The following NXN variants were observed in gnomAD, a reference collection of about 807,000 sequenced individuals.
The protein encoded by NXN is nucleoredoxin 1.
Under a neutral mutation model 48.6 loss-of-function variants are expected in NXN, and 16 were observed. The observed-to-expected ratio is 0.33, with a 90% CI of 0.22 to 0.50. The LOEUF is 0.50. Among genes scored for constraint, NXN ranks in the 20% least tolerant of loss-of-function variants. The pLI is 0.98. For synonymous variants in NXN, 281 were observed against 269.6 expected, an observed-to-expected ratio of 1.04 and a Z score of -0.41; for missense variants, 492 against 605.5, an observed-to-expected ratio of 0.81 and a Z score of 1.97.
chr17:847,674 G>A (rs895549866), intron 1 of NXN, among the ~76,000 whole-genome samples: 4 of 152,080 alleles, frequency 2.6e-5, no homozygotes, highest in Admixed American at 2.0e-4. Context: ...AACGGACTGT[G>A]GCTTGCATTC....
chr17:828,884 T>C (rs1913289127), intron 1 of NXN, among the ~76,000 whole-genome samples: 1 of 145,372 alleles, frequency 6.9e-6, no homozygotes, highest in Non-Finnish European at 1.5e-5. Context: ...TTAAAATGAT[T>C]GAATTTTTCT....
At chr17:874,078 G>T (rs751385300) in intron 1 of NXN, among the ~76,000 whole-genome samples, 1 of 152,170 alleles carries the variant, frequency 6.6e-6, no homozygotes, top group African/African-American at 2.4e-5. Context: ...TGAATCATGG[G>T]AGCAGTAACC....
At position 952,705 on chromosome 17, in the gene NXN, C is replaced by G. The variant is rs7213959; in HGVS notation, c.360+26614G>C. ...ACACTGTGGGGGGGCTGGAGTCAGACAGACCAAGGTTGGAACCCGGCAGGT... is the reference window on the plus strand; with the variant it reads ...ACACTGTGGGGGGGCTGGAGTCAGAGAGACCAAGGTTGGAACCCGGCAGGT... On this transcript the variant is annotated intron_variant, in intron 1 of 7. Transcript: ENST00000336868. 3.0e-3 allele frequency among the ~76,000 whole-genome samples: 124 copies of G among 40,780 alleles called. 2 individuals carry two copies. The highest frequency in any genetic ancestry group is 5.3e-3 in the African/African-American group (52 of 9,844). 26.8% of individuals were successfully genotyped at this position (40,780 alleles called of 152,430 possible).
At chr17:961,852 T>C (rs1265116932) in intron 1 of NXN, among the ~76,000 whole-genome samples, 1 of 152,168 alleles carries the variant, frequency 6.6e-6, no homozygotes, top group Non-Finnish European at 1.5e-5. Flanking sequence ...TAAGGAACAT[T>C]AGCTGGGTGC....
rs1009840143 is a variant in NXN at position 919,277 on chromosome 17, A to T, written c.360+60042T>A. Reference sequence around the variant, plus strand: ...CCTTGGGAGGCTGAAGCAGGAGAATAGCTTGAACTAGGGAGGCAGAGGTTG... The same window carrying T: ...CCTTGGGAGGCTGAAGCAGGAGAATTGCTTGAACTAGGGAGGCAGAGGTTG... On this transcript the variant is annotated intron_variant, in intron 1 of 7. Coordinates refer to ENST00000336868, the MANE Select transcript of NXN (RefSeq NM_022463.5). This position sits in a 1 kb window ranked among gnomAD's most constrained non-coding sequence, Gnocchi z 5.1. Among the ~76,000 whole-genome samples the T allele has an allele frequency of 6.6e-6, 1 of 151,692 alleles. No homozygotes were observed. Among genetic ancestry groups the T allele is most frequent in the South Asian group, 2.1e-4 (1 of 4,796 alleles).
At chr17:883,090 T>C (rs571745101) in intron 1 of NXN, among the ~76,000 whole-genome samples, 2 of 152,282 alleles carry the variant, frequency 1.3e-5, no homozygotes, top group South Asian at 4.1e-4. Flanking sequence ...TGTAGTGGCG[T>C]GCACCTCGAG....
intron 1 of NXN, among the ~76,000 whole-genome samples, chr17:951,892 G>A (rs1382549237): frequency 6.6e-5 from 10 of 152,296 alleles, no homozygotes; most frequent in Admixed American, 2.6e-4. Context: ...CCCGGGAAGG[G>A]GAGCTCAGCC....
At chr17:846,636 T>C (rs574093043) in intron 1 of NXN, among the ~76,000 whole-genome samples, 1 of 152,250 alleles carries the variant, frequency 6.6e-6, no homozygotes, top group South Asian at 2.1e-4. Context: ...TCGGGTCTTA[T>C]AATATAAACT....
In NXN at chr17:823,816, C is replaced by G. The variant is rs757076381; in HGVS notation, c.479-51G>C. The G allele has an allele frequency of 5.6e-6, 9 of 1,607,500 alleles. No individual in the cohort carries two copies. The Admixed American group carries it at 1.5e-4, about 27-fold the overall frequency. Reference sequence around the variant, plus strand: ...GAGGGCTTAGACCCTTCTTGATGACCTGGGACCCAGGAGACTTCAGAGCGG... The same window carrying G: ...GAGGGCTTAGACCCTTCTTGATGACGTGGGACCCAGGAGACTTCAGAGCGG... On this transcript the variant is annotated intron_variant, in intron 2 of 7. Transcript: ENST00000336868.
chr17:895,714 A>G (rs572394119), intron 1 of NXN, among the ~76,000 whole-genome samples: 1 of 149,968 alleles, frequency 6.7e-6, no homozygotes, highest in African/African-American at 2.5e-5. Flanking sequence ...GCTACTCGGG[A>G]GGCTGAGGCA....
chr17:830,400 C>G lies in NXN; in HGVS notation c.361-4322G>C, dbSNP rs1567821857. ...GAAAACAGGGCGGGTAAGATCACGG[C>G]TGCAACTGGGAAGCTGGGATGGCAG... is the stretch of plus-strand genomic sequence containing the variant. On this transcript the variant is annotated intron_variant, in intron 1 of 7. Transcript: ENST00000336868. This position sits in a 1 kb window ranked among gnomAD's most constrained non-coding sequence, Gnocchi z 4.2. 6.6e-6 allele frequency among the ~76,000 whole-genome samples: 1 copy of G among 152,020 alleles called. No homozygotes were observed. The highest frequency in any genetic ancestry group is 1.5e-5 in the Non-Finnish European group (1 of 68,028).
chr17:819,415 G>A (rs775777176), intron 5 of NXN, 24 bp downstream of exon 5: 15 of 1,586,936 alleles, frequency 9.5e-6, no homozygotes, highest in East Asian at 4.5e-5. Flanking sequence ...GGAGCCACAC[G>A]GAGCCGGGGC....
Position 920,057 on chromosome 17 carries a change from G to A in NXN, c.360+59262C>T, listed in dbSNP as rs180710888. Among the ~76,000 whole-genome samples the A allele has an allele frequency of 6.6e-5, 10 of 152,166 alleles. No homozygotes were observed. Among genetic ancestry groups the A allele is most frequent in the Admixed American group, 6.5e-5 (1 of 15,274 alleles). Reference sequence around the variant, plus strand: ...CCTCCAACTCTCTTCGAGCCACCACGCGGTGCAAATGTTTGTATTTTTGGT... The same window carrying A: ...CCTCCAACTCTCTTCGAGCCACCACACGGTGCAAATGTTTGTATTTTTGGT... On this transcript the variant is annotated intron_variant, in intron 1 of 7. Coordinates refer to ENST00000336868, the MANE Select transcript of NXN (RefSeq NM_022463.5). The surrounding 1 kb of genome is among the most constrained non-coding windows in gnomAD (Gnocchi z 4.6).
rs534794227 is a variant in NXN at position 812,757 on chromosome 17, CAT to C, written c.820+6680_820+6681del. The stretch of plus-strand genomic sequence containing the variant: ...TGTAGGGTGCGTGAGTGAGAGTGTG[CAT>C]ATGTGTGAGTGTAGGTGTGTGCATG... On this transcript the variant is annotated intron_variant, in intron 5 of 7. Transcript: ENST00000336868. Among the ~76,000 whole-genome samples, 354 of 138,964 alleles carry C rather than the reference CAT, an allele frequency of 2.5e-3. 7 individuals carry two copies. The highest frequency in any genetic ancestry group is 3.9e-3 in the Middle Eastern group (1 of 256). The allele number at this position is 138,964 out of a possible 152,430, so 91.2% of individuals were successfully genotyped here.
chr17:908,381 C>T (rs2068600959), intron 1 of NXN, among the ~76,000 whole-genome samples: 1 of 151,796 alleles, frequency 6.6e-6, no homozygotes, highest in Non-Finnish European at 1.5e-5. Context: ...ACTAAAAATA[C>T]AGAAATTAGC....
intron 1 of NXN, among the ~76,000 whole-genome samples, chr17:839,160 C>T (rs1029752016): frequency 6.6e-6 from 1 of 152,172 alleles, no homozygotes; most frequent in Non-Finnish European, 1.5e-5. Context: ...TCAGGCCGGA[C>T]GCGGTGGCTC....
At chr17:829,823 A>G (rs889679782) in intron 1 of NXN, among the ~76,000 whole-genome samples, 1 of 152,172 alleles carries the variant, frequency 6.6e-6, no homozygotes, top group Non-Finnish European at 1.5e-5. Context: ...ATGGCTGTAT[A>G]GTATTCCATG....
At chr17:862,388 G>A (rs900377854) in intron 1 of NXN, among the ~76,000 whole-genome samples, 1 of 152,198 alleles carries the variant, frequency 6.6e-6, no homozygotes, top group Non-Finnish European at 1.5e-5. Flanking sequence ...GGTGGGTGTG[G>A]TGGCCCATGC....
intron 2 of NXN, among the ~76,000 whole-genome samples, chr17:824,894 G>A (rs764927544): frequency 3.3e-5 from 5 of 152,160 alleles, no homozygotes; most frequent in African/African-American, 9.7e-5. Context: ...GGGCCTCCCC[G>A]GAAACAAGAG....
Sources: allele counts gnomAD v4.1 joint callset (sites outside exome capture counted in the v4.1 genomes callset), GRCh38; gene constraint gnomAD v4.1.1; non-coding constraint Gnocchi (gnomAD v3.1); transcripts MANE v1.5; gene names NCBI Gene and HGNC (gene_info 2026-07-23, HGNC 2026-07-21).